LPCAT1: variants seen among roughly 807,000 people sequenced by gnomAD.
LPCAT1 encodes the protein 1-acylglycerol-3-phosphate O-acyltransferase.
Under a neutral mutation model 60.9 loss-of-function variants are expected in LPCAT1, and 23 were observed. The ratio of observed to expected loss-of-function variants is 0.38; its 90% CI spans 0.27 to 0.53. LPCAT1 has a LOEUF of 0.53. Ranked by LOEUF, LPCAT1 falls within the 20% of genes least tolerant of loss-of-function variation. The probability of loss-of-function intolerance (pLI) is 0.82; values close to 1 mark genes in which losing one functional copy is unlikely to be tolerated. For missense variants in LPCAT1, 622 were observed against 723.6 expected (o/e 0.86, Z 1.61); for synonymous variants, 340 against 301.1 (o/e 1.13, Z -1.34).
intron 9 of LPCAT1, among the ~76,000 whole-genome samples, chr5:1,475,581 G>A (rs1399467038): frequency 6.6e-6 from 1 of 152,262 alleles, no homozygotes; most frequent in Non-Finnish European, 1.5e-5. Context: ...AAGGATGTGT[G>A]CGCTCTGCCA....
chr5:1,477,506 G>C lies in LPCAT1; in HGVS notation c.817-20C>G. On this transcript the variant is annotated intron_variant, in intron 8 of 13. Transcript: ENST00000283415. The surrounding 1 kb of genome is among the most constrained non-coding windows in gnomAD (Gnocchi z 6.0). The stretch of plus-strand genomic sequence containing the variant: ...AAGGAACTGAGCACACAGAGAAGCT[G>C]CGTTAGTATCACAAGACGCTGACCT... The C allele has an allele frequency of 6.3e-7, 1 of 1,588,136 alleles. No individual in the cohort carries two copies. Among genetic ancestry groups the C allele is most frequent in the African/African-American group, 1.3e-5 (1 of 74,374 alleles).
chr5:1,511,501 C>T (rs1225892151), intron 1 of LPCAT1, among the ~76,000 whole-genome samples: 2 of 151,560 alleles, frequency 1.3e-5, no homozygotes, highest in African/African-American at 4.9e-5. Flanking sequence ...CTGCTCACCT[C>T]GCTCACCCTA....
In LPCAT1 at chr5:1,483,808, G is replaced by A. The variant is rs1735262045; in HGVS notation, c.668-322C>T. 6.7e-6 allele frequency among the ~76,000 whole-genome samples: 1 copy of A among 149,578 alleles called. No individual in the cohort carries two copies. The highest frequency in any genetic ancestry group is 2.0e-4 in the East Asian group (1 of 4,978). Reference sequence around the variant, plus strand: ...ATTGCGCACGAGCTGGAAGACATCCGTGGAGGGACACTTTCTGCTGTAACA... The same window carrying A: ...ATTGCGCACGAGCTGGAAGACATCCATGGAGGGACACTTTCTGCTGTAACA... On this transcript the variant is annotated intron_variant, in intron 5 of 13. Transcript: ENST00000283415. The surrounding 1 kb of genome is among the most constrained non-coding windows in gnomAD (Gnocchi z 9.2).
intron 5 of LPCAT1, among the ~76,000 whole-genome samples, chr5:1,484,819 CCT>C (rs149444952): frequency 0.012 from 1,781 of 152,358 alleles, 38 homozygotes; most frequent in African/African-American, 0.038. Flanking sequence ...CGCAGCTTCC[CCT>C]GTGTCCAGGG....
rs1330132782 is a variant in LPCAT1 at position 1,462,294 on chromosome 5, G to A, written c.*1357C>T. 1 of 152,536 alleles carries A rather than the reference G, an allele frequency of 6.6e-6. No homozygotes were observed. The highest frequency in any genetic ancestry group is 2.4e-5 in the African/African-American group (1 of 41,424). The allele number at this position is 152,536 out of a possible 1,614,324, so 9.4% of individuals were successfully genotyped here. A position where few individuals can be genotyped will look rare whatever the true frequency, so the allele number is the denominator to read the frequency against. On this transcript the variant is annotated 3_prime_UTR_variant, in exon 14 of 14. Transcript: ENST00000283415. ...GTCTGTGATGATTATTGTGCTTGAA[G>A]GATGGGTTTCTAATTCTGTCATAAA...
At chr5:1,510,918 C>A (rs994798626) in intron 1 of LPCAT1, 9 of 152,442 alleles carry the variant, frequency 5.9e-5, no homozygotes, top group Non-Finnish European at 1.3e-4. Context: ...GTCTCTGGAG[C>A]AGGGGCCGCT....
At chr5:1,464,610 AAAC>A (rs1464740642) in intron 13 of LPCAT1, among the ~76,000 whole-genome samples, 95 of 151,358 alleles carry the variant, frequency 6.3e-4, no homozygotes, top group South Asian at 5.2e-3. Context: ...CACACACACA[AAAC>A]AAGCACACAC....
Position 1,502,036 on chromosome 5 carries a change from G to A in LPCAT1, c.136-433C>T, listed in dbSNP as rs1278333653. Reference sequence around the variant, plus strand: ...TGACCGGCACTGACCAAGGCTGACCGGTGCTGATGCCGACCAGCCCTCACC... The same window carrying A: ...TGACCGGCACTGACCAAGGCTGACCAGTGCTGATGCCGACCAGCCCTCACC... On this transcript the variant is annotated intron_variant, in intron 1 of 13. Transcript: ENST00000283415. The surrounding 1 kb of genome is among the most constrained non-coding windows in gnomAD (Gnocchi z 5.5). Among the ~76,000 whole-genome samples the A allele has an allele frequency of 9.2e-5, 14 of 152,204 alleles. No homozygotes were observed. The highest frequency in any genetic ancestry group is 6.5e-4 in the Admixed American group (10 of 15,286).
At chr5:1,473,003 C>T (rs983534022) in intron 11 of LPCAT1, among the ~76,000 whole-genome samples, 2 of 151,954 alleles carry the variant, frequency 1.3e-5, no homozygotes, top group African/African-American at 4.8e-5. Context: ...CTTGCTCTCT[C>T]CAACCAGGGA....
intron 12 of LPCAT1, among the ~76,000 whole-genome samples, chr5:1,469,801 A>C (rs1434700783): frequency 1.3e-4 from 20 of 152,034 alleles, no homozygotes; most frequent in Admixed American, 2.6e-4. Flanking sequence ...AAAAAAAAAA[A>C]ACAACAGGGC....
At position 1,463,754 on chromosome 5, in the gene LPCAT1, C is replaced by T; in HGVS notation, c.1502G>A (p.Cys501Tyr). Reference sequence around the variant, plus strand: ...GATTGGCGCAGGTGAGGTCTCTGCACAGCTTTCGAAATGTGTCTGATCCGG... The same window carrying T: ...GATTGGCGCAGGTGAGGTCTCTGCATAGCTTTCGAAATGTGTCTGATCCGG... ...LYPDQTHFESCAETSPAPIPN... is the reference protein window; with the variant it reads ...LYPDQTHFESYAETSPAPIPN... Residue 501 changes from cysteine (C) to tyrosine (Y), a missense_variant, in exon 14 of 14, where the codon TGT (cysteine) becomes TAT (tyrosine). Physicochemically the swap from Cys to Tyr is radical, Grantham distance 194 (BLOSUM62 -2). Coordinates refer to ENST00000283415, the MANE Select transcript of LPCAT1 (RefSeq NM_024830.5). 3 of 1,614,252 alleles carry T rather than the reference C, an allele frequency of 1.9e-6. No homozygotes were observed. Among genetic ancestry groups the T allele is most frequent in the Non-Finnish European group, 2.5e-6 (3 of 1,180,046 alleles).
chr5:1,495,068 A>C lies in LPCAT1; in HGVS notation c.279-154T>G. ...GCCGCTGGGACATCTGCTTGAGGGA[A>C]GAAAAGACGCCGCGCCTTCCTGGCC... On this transcript the variant is annotated intron_variant, in intron 2 of 13. Transcript: ENST00000283415. The surrounding 1 kb of genome is among the most constrained non-coding windows in gnomAD (Gnocchi z 4.7). 1 of 688,520 alleles carries C rather than the reference A, an allele frequency of 1.5e-6. No homozygotes were observed. The highest frequency in any genetic ancestry group is 2.4e-6 in the Non-Finnish European group (1 of 418,446). The allele number at this position is 688,520 out of a possible 1,614,324, so 42.7% of individuals were successfully genotyped here.
intron 13 of LPCAT1, among the ~76,000 whole-genome samples, chr5:1,465,126 ACAAAAC>A (rs1489274765): frequency 6.7e-6 from 1 of 148,488 alleles, no homozygotes; most frequent in Non-Finnish European, 1.5e-5. Context: ...GCACACACAC[ACAAAAC>A]AAGCGCAGGC....
At position 1,463,436 on chromosome 5, in the gene LPCAT1, T is replaced by C; in HGVS notation, c.*215A>G. On this transcript the variant is annotated 3_prime_UTR_variant, in exon 14 of 14. Transcript: ENST00000283415. The stretch of plus-strand genomic sequence containing the variant: ...GTCCAGGCCAGGCGGGGGATCCGCG[T>C]GCGCGCCCTCCGATTCTCGCACAGT... The C allele has an allele frequency of 1.7e-6, 1 of 592,074 alleles. No homozygotes were observed. Among genetic ancestry groups the C allele is most frequent in the Non-Finnish European group, 2.9e-6 (1 of 346,860 alleles). 36.7% of individuals were successfully genotyped at this position (592,074 alleles called of 1,614,324 possible).
chr5:1,516,610 G>A (rs1459318366), intron 1 of LPCAT1, among the ~76,000 whole-genome samples: 1 of 151,628 alleles, frequency 6.6e-6, no homozygotes, highest in African/African-American at 2.4e-5. Context: ...AGAACTGGGA[G>A]AGAAACTGTT....
In LPCAT1 at chr5:1,487,900, C is replaced by T. The variant is rs932022311; in HGVS notation, c.667+491G>A. 3.3e-5 allele frequency among the ~76,000 whole-genome samples: 5 copies of T among 152,134 alleles called. No individual in the cohort carries two copies. Among genetic ancestry groups the T allele is most frequent in the South Asian group, 2.1e-4 (1 of 4,810 alleles). The stretch of plus-strand genomic sequence containing the variant: ...CACAATACTAGACCCAGGTAACCGC[C>T]GCGGGAGAGACCCAAGTTCACACGC... On this transcript the variant is annotated intron_variant, in intron 5 of 13. Coordinates refer to ENST00000283415, the MANE Select transcript of LPCAT1 (RefSeq NM_024830.5). This position sits in a 1 kb window ranked among gnomAD's most constrained non-coding sequence, Gnocchi z 6.1.
intron 6 of LPCAT1, among the ~76,000 whole-genome samples, chr5:1,482,265 G>C (rs536701567): frequency 1.3e-5 from 2 of 151,400 alleles, no homozygotes; most frequent in Admixed American, 6.6e-5. Flanking sequence ...CCCTGAGCTC[G>C]GCGGCAGGCC....
At chr5:1,513,722 C>T (rs1164293434) in intron 1 of LPCAT1, among the ~76,000 whole-genome samples, 1 of 146,414 alleles carries the variant, frequency 6.8e-6, no homozygotes, top group Admixed American at 6.8e-5. Context: ...TTTCCACAGG[C>T]TCTCACCCGT....
intron 1 of LPCAT1, among the ~76,000 whole-genome samples, chr5:1,509,841 C>T (rs1346963630): frequency 2.6e-5 from 4 of 152,308 alleles, no homozygotes; most frequent in Admixed American, 2.0e-4. Flanking sequence ...TTGCCGTGGG[C>T]TCTCTCTGCA....
Sources: gnomAD v4.1 joint callset for allele counts (sites outside exome capture counted in the v4.1 genomes callset) on GRCh38, gnomAD v4.1.1 for gene constraint, Gnocchi (gnomAD v3.1) non-coding constraint, MANE v1.5 for transcripts, NCBI Gene and HGNC (gene_info 2026-07-23, HGNC 2026-07-21) for gene names.